Variants in STIM1 observed in about 807,000 individuals in gnomAD.
STIM1 encodes stromal interaction molecule 1.
In STIM1, 25 loss-of-function variants were observed where a neutral mutation model predicts 74.7. The ratio of observed to expected loss-of-function variants is 0.33; its 90% CI spans 0.24 to 0.47. STIM1 has a LOEUF of 0.47. STIM1 is among the 20% of genes least tolerant of loss of function. STIM1 has a pLI of 1.00. For missense variants in STIM1, 728 were observed against 920.8 expected (o/e 0.79, Z 2.71); for synonymous variants, 328 against 348.8 (o/e 0.94, Z 0.66).
chr11:4,009,722 C>T (rs189604659), intron 2 of STIM1, among the ~76,000 whole-genome samples: 21 of 152,004 alleles, frequency 1.4e-4, no homozygotes, highest in Admixed American at 5.2e-4. Context: ...ATGACAAGTC[C>T]CTTAGCTCTC....
At chr11:3,998,117 G>T (rs185349246) in intron 2 of STIM1, among the ~76,000 whole-genome samples, 184 of 152,242 alleles carry the variant, frequency 1.2e-3, no homozygotes, top group African/African-American at 4.2e-3. Context: ...ACACAGACAG[G>T]AGAGCTTATT....
chr11:4,082,817 G>A, intron 8 of STIM1, 65 bp from the exon 9 acceptor site: 2 of 1,344,326 alleles, frequency 1.5e-6, no homozygotes, highest in Non-Finnish European at 2.1e-6. Context: ...ATAGGGGAAG[G>A]CCTTTCTCAT....
At chr11:4,088,117 G>A (rs1426366463) in intron 12 of STIM1, among the ~76,000 whole-genome samples, 1 of 152,102 alleles carries the variant, frequency 6.6e-6, no homozygotes, top group Non-Finnish European at 1.5e-5. Flanking sequence ...AAAATAATTG[G>A]TGAAAGGTTT....
chr11:4,088,795 G>A, intron 12 of STIM1: 1 of 1,506,628 alleles, frequency 6.6e-7, no homozygotes. Flanking sequence ...GGGACCTCTG[G>A]CCTGATTGTT....
chr11:4,074,429 T>C (rs2094424927), intron 6 of STIM1, 73 bp from the exon 7 acceptor site: 1 of 1,565,466 alleles, frequency 6.4e-7, no homozygotes, highest in Admixed American at 1.7e-5. Flanking sequence ...TCCTCTTTGA[T>C]GCCATGACTC....
chr11:3,928,126 C>T (rs183355956), intron 1 of STIM1, among the ~76,000 whole-genome samples: 1 of 152,202 alleles, frequency 6.6e-6, no homozygotes, highest in Non-Finnish European at 1.5e-5. Context: ...GTGTCTGTTA[C>T]TCTGCTTTTT....
In STIM1 at chr11:4,074,661, TGAG is replaced by T. The variant is rs2133186642; in HGVS notation, c.958_960del (p.Glu320del). ...ATGAGCGGAGCCGCCAAAAATATGC[TGAG>T]GAGGAGTTGGAGCAGGTAGGAGAGT... On this transcript the variant is annotated inframe_deletion, in exon 7 of 13. Transcript: ENST00000526596. 6.4e-7 allele frequency: 1 copy of T among 1,565,076 alleles called. No homozygotes were observed.
chr11:3,931,956 A>G (rs2135562645), intron 1 of STIM1, among the ~76,000 whole-genome samples: 1 of 152,298 alleles, frequency 6.6e-6, no homozygotes, highest in South Asian at 2.1e-4. Flanking sequence ...GAGGCCATTA[A>G]GAGGAGGGTG....
rs540161616 is a variant in STIM1, at chr11:3,983,464, T to C, written c.270+15782T>C. Reference sequence around the variant, plus strand: ...CCCTCTTTTTATTCCTTCCTTTTCCTTTTTTGTAGTTAGTACTGCTTCTGG... The same window carrying C: ...CCCTCTTTTTATTCCTTCCTTTTCCCTTTTTGTAGTTAGTACTGCTTCTGG... On this transcript the variant is annotated intron_variant, in intron 2 of 12. Coordinates refer to ENST00000526596, the MANE Select transcript of STIM1 (RefSeq NM_001382567.1). Among the ~76,000 whole-genome samples, 172 of 152,334 alleles carry C rather than the reference T, an allele frequency of 1.1e-3. 1 individual carries two copies. Among genetic ancestry groups the C allele is most frequent in the African/African-American group, 3.9e-3 (164 of 41,574 alleles).
intron 1 of STIM1, among the ~76,000 whole-genome samples, chr11:3,908,145 T>C (rs557128159): frequency 5.9e-5 from 9 of 152,332 alleles, no homozygotes; most frequent in African/African-American, 2.2e-4. Flanking sequence ...AGTGCTAGAA[T>C]ACTGACTGGT....
chr11:4,049,261 A>C (rs886348301), intron 3 of STIM1, among the ~76,000 whole-genome samples: 15 of 152,202 alleles, frequency 9.9e-5, no homozygotes, highest in African/African-American at 3.1e-4. Context: ...CAAAACTGAA[A>C]TATCTATGAA....
In STIM1 at chr11:3,983,847, G is replaced by GCTC. The variant is rs375641336; in HGVS notation, c.270+16178_270+16180dup. Among the ~76,000 whole-genome samples, 610 of 151,424 alleles carry GCTC rather than the reference G, an allele frequency of 4.0e-3. 2 individuals are homozygous for GCTC. The highest frequency in any genetic ancestry group is 0.014 in the African/African-American group (578 of 41,274). ...TGCTGCTGCTGCTTTTTCTCTTTCT[G>GCTC]CTCCTCCTCCTCCTCTTTCTCCTTT... is the stretch of plus-strand genomic sequence containing the variant. On this transcript the variant is annotated intron_variant, in intron 2 of 12. Coordinates refer to ENST00000526596, the MANE Select transcript of STIM1 (RefSeq NM_001382567.1).
intron 1 of STIM1, chr11:3,892,872 C>T (rs750873366): frequency 9.0e-5 from 143 of 1,587,388 alleles, no homozygotes; most frequent in Middle Eastern, 1.7e-4. Flanking sequence ...TCGAAGAACA[C>T]GGTGGGGTTA....
At chr11:4,028,414 CTT>C (rs1217731355) in intron 3 of STIM1, among the ~76,000 whole-genome samples, 1 of 137,198 alleles carries the variant, frequency 7.3e-6, no homozygotes. Flanking sequence ...TTTTTCTTTT[CTT>C]TTTTTTTTTC....
At chr11:3,962,445 T>TTG (rs139472251) in intron 1 of STIM1, among the ~76,000 whole-genome samples, 6,997 of 147,558 alleles carry the variant, frequency 0.047, 228 homozygotes, top group African/African-American at 0.091. Flanking sequence ...CTGAGTAGTA[T>TTG]TGTGTGTGTG....
intron 2 of STIM1, among the ~76,000 whole-genome samples, chr11:3,987,421 C>T (rs1590624841): frequency 6.6e-6 from 1 of 152,262 alleles, no homozygotes. Context: ...GACCAAGCTG[C>T]GTGATCAGTT....
chr11:3,915,182 C>T (rs978159811), intron 1 of STIM1, among the ~76,000 whole-genome samples: 2 of 152,098 alleles, frequency 1.3e-5, no homozygotes, highest in African/African-American at 4.8e-5. Context: ...GTATGATTTG[C>T]AAATATTTTC....
At chr11:3,977,645 G>A (rs1208899498) in intron 2 of STIM1, among the ~76,000 whole-genome samples, 3 of 152,164 alleles carry the variant, frequency 2.0e-5, no homozygotes, top group Non-Finnish European at 2.9e-5. Flanking sequence ...AAGTTTTTAC[G>A]TTATCATCAG....
At chr11:3,953,165 T>C (rs1280359390) in intron 1 of STIM1, among the ~76,000 whole-genome samples, 1 of 152,232 alleles carries the variant, frequency 6.6e-6, no homozygotes, top group African/African-American at 2.4e-5. Context: ...ATATTCTTTT[T>C]CCCTTTTTGC....
Sources: allele counts gnomAD v4.1 joint callset (sites outside exome capture counted in the v4.1 genomes callset), GRCh38; gene constraint gnomAD v4.1.1; transcripts MANE v1.5; gene names NCBI Gene and HGNC (gene_info 2026-07-23, HGNC 2026-07-21).